The following MRAP2 variants were observed in gnomAD, a reference collection of about 807,000 sequenced individuals.
MRAP2 encodes melanocortin-2 receptor accessory protein 2.
A neutral mutation model predicts 17.4 loss-of-function variants in MRAP2; 20 were observed. The ratio of observed to expected loss-of-function variants is 1.15; its 90% CI spans 0.81 to 1.67. MRAP2 has a LOEUF of 1.67. Ranked by LOEUF, MRAP2 falls within the 40% of genes most tolerant of loss-of-function variation. MRAP2 has a pLI of 0.00. For synonymous variants in MRAP2, 96 were observed against 88.4 expected, an observed-to-expected ratio of 1.09 and a Z score of -0.48; for missense variants, 238 against 240.0, an observed-to-expected ratio of 0.99 and a Z score of 0.05.
the MRAP2 span, among the ~76,000 whole-genome samples, chr6:84,100,974 A>G: frequency 5.4e-5 from 8 of 148,726 alleles, no homozygotes; most frequent in South Asian, 1.7e-3. Flanking sequence ...TGTCTCCAAG[A>G]TCTCTCAGTC....
At chr6:84,118,179 T>C in the MRAP2 span, among the ~76,000 whole-genome samples, 4 of 151,738 alleles carry the variant, frequency 2.6e-5, no homozygotes, top group East Asian at 7.8e-4. Context: ...AGAACATGGG[T>C]GGGGGTGGCT....
intron 3 of MRAP2, among the ~76,000 whole-genome samples, chr6:84,073,777 T>G (rs1205729224): frequency 1.3e-5 from 2 of 152,196 alleles, no homozygotes; most frequent in Non-Finnish European, 2.9e-5. Context: ...CCTGGGATTA[T>G]TGTAAACCAA....
At chr6:84,137,379 A>G in the MRAP2 span, among the ~76,000 whole-genome samples, 2 of 150,364 alleles carry the variant, frequency 1.3e-5, no homozygotes, top group South Asian at 4.1e-4. Context: ...TCATTCCACT[A>G]TCTGTTCATA....
intron 3 of MRAP2, among the ~76,000 whole-genome samples, chr6:84,085,350 G>A (rs938450792): frequency 2.0e-5 from 3 of 152,068 alleles, no homozygotes; most frequent in African/African-American, 7.2e-5. Flanking sequence ...CACCGCGCCC[G>A]GCCCCTTCAT....
intron 3 of MRAP2, among the ~76,000 whole-genome samples, chr6:84,074,869 G>A (rs1588652114): frequency 6.6e-6 from 1 of 152,116 alleles, no homozygotes; most frequent in East Asian, 1.9e-4. Context: ...GCAATAAAAT[G>A]GGTATTTTTT....
At chr6:84,091,080 TA>T (rs575234813), downstream of MRAP2, among the ~76,000 whole-genome samples, 65 of 152,332 alleles carry the variant, frequency 4.3e-4, no homozygotes, top group East Asian at 3.1e-3. Flanking sequence ...TTGTGTATTT[TA>T]AAGAAAATAT....
At chr6:84,055,508 C>G (rs1279253099) in intron 2 of MRAP2, 63 bp downstream of exon 2, 10 of 1,495,438 alleles carry the variant, frequency 6.7e-6, no homozygotes, top group Admixed American at 1.9e-5. Flanking sequence ...GTGAAATCCC[C>G]AAGGATTACT....
chr6:84,125,342 T>C, the MRAP2 span: 2 of 1,421,010 alleles, frequency 1.4e-6, no homozygotes, highest in Non-Finnish European at 2.0e-6. Flanking sequence ...CATTTAACAA[T>C]CTTAAAGTAG....
chr6:84,068,635 T>TG (rs1181702645), intron 3 of MRAP2, among the ~76,000 whole-genome samples: 1 of 151,994 alleles, frequency 6.6e-6, no homozygotes, highest in Non-Finnish European at 1.5e-5. Context: ...TTTGTTTTTT[T>TG]GTTTTTTGTT....
the MRAP2 span, among the ~76,000 whole-genome samples, chr6:84,137,772 C>T: frequency 6.6e-6 from 1 of 151,866 alleles, no homozygotes; most frequent in African/African-American, 2.4e-5. Context: ...ATGATGAATA[C>T]TAAAACACAA....
chr6:84,143,308 T>C, the MRAP2 span, among the ~76,000 whole-genome samples: 9 of 152,022 alleles, frequency 5.9e-5, no homozygotes, highest in African/African-American at 1.9e-4. Context: ...CATGAAATGA[T>C]GTTAATCTAC....
downstream of MRAP2, among the ~76,000 whole-genome samples, chr6:84,095,229 ATAT>A (rs1353216611): frequency 3.3e-5 from 5 of 152,118 alleles, no homozygotes; most frequent in Non-Finnish European, 7.4e-5. Context: ...TCAGAAGGAG[ATAT>A]TATCTTTGTT....
the MRAP2 span, among the ~76,000 whole-genome samples, chr6:84,114,812 T>C: frequency 6.6e-6 from 1 of 152,172 alleles, no homozygotes; most frequent in Non-Finnish European, 1.5e-5. Flanking sequence ...TTTATTTGTT[T>C]TCCTTCTAAC....
chr6:84,080,559 G>A (rs1292912489), intron 3 of MRAP2, among the ~76,000 whole-genome samples: 1 of 152,126 alleles, frequency 6.6e-6, no homozygotes, highest in East Asian at 1.9e-4. Flanking sequence ...AAGCCTTTTA[G>A]CCACATTTGA....
the MRAP2 span, among the ~76,000 whole-genome samples, chr6:84,107,629 G>A: frequency 6.6e-6 from 1 of 152,100 alleles, no homozygotes; most frequent in Admixed American, 6.6e-5. Flanking sequence ...GGACAGTGAA[G>A]GTGTACTGCT....
At chr6:84,083,184 A>G (rs2099499446) in intron 3 of MRAP2, among the ~76,000 whole-genome samples, 1 of 152,216 alleles carries the variant, frequency 6.6e-6, no homozygotes, top group African/African-American at 2.4e-5. Flanking sequence ...CACAAAAGTA[A>G]AATTGCTTTT....
intron 3 of MRAP2, among the ~76,000 whole-genome samples, chr6:84,088,336 GA>G (rs1451249805): frequency 2.6e-5 from 4 of 152,300 alleles, no homozygotes; most frequent in African/African-American, 7.2e-5. Context: ...GACTCATTGA[GA>G]GTTATTTTAT....
the MRAP2 span, among the ~76,000 whole-genome samples, chr6:84,115,906 C>A: frequency 6.6e-6 from 1 of 152,122 alleles, no homozygotes; most frequent in Non-Finnish European, 1.5e-5. Flanking sequence ...CCATGAGCTG[C>A]ACCCACTGTC....
At chr6:84,047,443 T>G (rs184192978) in intron 1 of MRAP2, among the ~76,000 whole-genome samples, 10 of 151,846 alleles carry the variant, frequency 6.6e-5, no homozygotes, top group Middle Eastern at 3.4e-3. Flanking sequence ...CCACCTGCCT[T>G]GGCTTCCCAA....
Sources: gnomAD v4.1 joint callset for allele counts (sites outside exome capture counted in the v4.1 genomes callset) on GRCh38, gnomAD v4.1.1 for gene constraint, MANE v1.5 for transcripts, NCBI Gene and HGNC (gene_info 2026-07-23, HGNC 2026-07-21) for gene names.